ABITRAM: variants seen among roughly 807,000 people sequenced by gnomAD.
ABITRAM encodes protein Abitram.
A neutral mutation model predicts 22.9 loss-of-function variants in ABITRAM; 19 were observed. The observed-to-expected ratio is 0.83, with a 90% CI of 0.58 to 1.22. ABITRAM has a LOEUF of 1.22. ABITRAM is among the 50% of genes most tolerant of loss of function. The pLI, the probability that ABITRAM is intolerant of heterozygous loss-of-function variation, is 0.00. For synonymous variants in ABITRAM, 70 were observed against 73.9 expected, an observed-to-expected ratio of 0.95 and a Z score of 0.27; for missense variants, 215 against 220.2, an observed-to-expected ratio of 0.98 and a Z score of 0.15.
downstream of ABITRAM, chr9:108,943,122 T>C: frequency 7.7e-7 from 1 of 1,296,850 alleles, no homozygotes; most frequent in Non-Finnish European, 1.1e-6. Context: ...AGTTTTAACA[T>C]GATAAAATTT....
At chr9:108,948,144 C>T (rs936357533) in intron 3 of ABITRAM, 2 of 1,599,010 alleles carry the variant, frequency 1.3e-6, no homozygotes, top group Non-Finnish European at 1.7e-6. Context: ...CCACTTTTAG[C>T]CCGAAATTAA....
chr9:108,934,479 A>G lies in ABITRAM; in HGVS notation c.-8A>G, dbSNP rs747667175. On this transcript the variant is annotated 5_prime_UTR_variant, in exon 1 of 6. Coordinates refer to ENST00000322940, the MANE Select transcript of ABITRAM (RefSeq NM_017832.4). ...CGGAGGGCGGGGGTGGCGGCGCCGG[A>G]GGTCGCCATGGCTACCGAGCCCGAA... 3.1e-6 allele frequency: 5 copies of G among 1,596,886 alleles called. No individual in the cohort carries two copies. The highest frequency in any genetic ancestry group is 3.4e-6 in the Non-Finnish European group (4 of 1,173,266).
At chr9:108,943,750 G>C, downstream of ABITRAM, 1 of 1,613,852 alleles carries the variant, frequency 6.2e-7, no homozygotes, top group Non-Finnish European at 8.5e-7. Flanking sequence ...ACTGTCTGGA[G>C]CTGGTGGCAT....
intron 3 of ABITRAM, among the ~76,000 whole-genome samples, chr9:108,949,103 T>A (rs1324693545): frequency 6.6e-6 from 1 of 152,180 alleles, no homozygotes; most frequent in African/African-American, 2.4e-5. Context: ...TAAGAAATCA[T>A]ATAAATTATT....
At chr9:108,948,118 G>A (rs1218605864) in intron 3 of ABITRAM, 1 of 1,517,554 alleles carries the variant, frequency 6.6e-7, no homozygotes, top group East Asian at 2.3e-5. Flanking sequence ...TAAATCATCT[G>A]GAAAACATTT....
intron 3 of ABITRAM, among the ~76,000 whole-genome samples, chr9:108,938,519 A>G (rs1319591993): frequency 6.6e-6 from 1 of 152,220 alleles, no homozygotes; most frequent in Admixed American, 6.5e-5. Flanking sequence ...TAACCATGCC[A>G]TGACATTCAA....
At chr9:108,950,535 A>T in exon 4 of ABITRAM, 1 of 1,550,450 alleles carries the variant, frequency 6.4e-7, no homozygotes, top group Non-Finnish European at 8.7e-7. Flanking sequence ...AAGGTAGAAG[A>T]CGTCATCAAG....
In ABITRAM at chr9:108,946,159, C is replaced by T. The variant is rs575145956; in HGVS notation, c.262-4348C>T. On this transcript the variant is annotated intron_variant, in intron 3 of 3. Transcript: ENST00000374624. ...ACTAAAAATACAAAAATTAGCTGGG[C>T]GTGGTAGCGCACACCTGTAGTCCCA... 1.9e-3 allele frequency among the ~76,000 whole-genome samples: 286 copies of T among 152,046 alleles called. 3 individuals are homozygous for T. Among genetic ancestry groups the T allele is most frequent in the Non-Finnish European group, 1.5e-4 (10 of 68,004 alleles).
chr9:108,950,543 A>C (rs756146077), exon 4 of ABITRAM: 2 of 1,550,460 alleles, frequency 1.3e-6, no homozygotes, highest in Non-Finnish European at 1.7e-6. Flanking sequence ...AGACGTCATC[A>C]AGAGGAAAAT....
intron 3 of ABITRAM, chr9:108,948,265 CAAA>C (rs745347820): frequency 6.3e-7 from 1 of 1,592,928 alleles, no homozygotes. Context: ...AAGAAGGTAA[CAAA>C]AAGTTATTAC....
At chr9:108,950,051 G>A (rs1430009481) in intron 3 of ABITRAM, among the ~76,000 whole-genome samples, 3 of 148,982 alleles carry the variant, frequency 2.0e-5, no homozygotes, top group Non-Finnish European at 4.4e-5. Context: ...AACCAGGCAA[G>A]TCTATTGATG....
At chr9:108,937,469 C>T (rs915835790) in intron 3 of ABITRAM, among the ~76,000 whole-genome samples, 1 of 152,182 alleles carries the variant, frequency 6.6e-6, no homozygotes. Flanking sequence ...CTAAGAGTTT[C>T]TGCTAATTGC....
chr9:108,941,298 G>A (rs924815210), downstream of ABITRAM, among the ~76,000 whole-genome samples: 3 of 152,054 alleles, frequency 2.0e-5, no homozygotes, highest in Non-Finnish European at 4.4e-5. Context: ...GCTATTAGCT[G>A]AAAATATAAA....
At chr9:108,942,122 C>T (rs1830263240), downstream of ABITRAM, among the ~76,000 whole-genome samples, 1 of 152,192 alleles carries the variant, frequency 6.6e-6, no homozygotes, top group East Asian at 1.9e-4. Flanking sequence ...AGAACTAGAA[C>T]CAAAAACCCA....
chr9:108,945,806 T>C (rs1442367621), downstream of ABITRAM, among the ~76,000 whole-genome samples: 1 of 152,072 alleles, frequency 6.6e-6, no homozygotes, highest in African/African-American at 2.4e-5. Flanking sequence ...TTTCAATCCA[T>C]AGTTGGTTGA....
At chr9:108,942,131 C>T (rs1435910187), downstream of ABITRAM, among the ~76,000 whole-genome samples, 1 of 152,186 alleles carries the variant, frequency 6.6e-6, no homozygotes, top group East Asian at 1.9e-4. Context: ...ACCAAAAACC[C>T]ATCTCATACT....
chr9:108,937,211 C>A (rs1347087342), intron 3 of ABITRAM, among the ~76,000 whole-genome samples: 1 of 152,084 alleles, frequency 6.6e-6, no homozygotes, highest in Non-Finnish European at 1.5e-5. Context: ...TATATTTGCT[C>A]CTTACTGTTT....
At chr9:108,946,655 G>A (rs1830412431) in intron 3 of ABITRAM, among the ~76,000 whole-genome samples, 1 of 152,144 alleles carries the variant, frequency 6.6e-6, no homozygotes. Flanking sequence ...TCTGCCATTA[G>A]AACATAAGCT....
At chr9:108,946,291 A>G in intron 3 of ABITRAM, among the ~76,000 whole-genome samples, 1 of 141,676 alleles carries the variant, frequency 7.1e-6, no homozygotes, top group Admixed American at 7.2e-5. Context: ...GAGCGAGACT[A>G]AGTCTCAAAA....
Sources: allele counts gnomAD v4.1 joint callset (sites outside exome capture counted in the v4.1 genomes callset), GRCh38; gene constraint gnomAD v4.1.1; transcripts MANE v1.5; gene names NCBI Gene and HGNC (gene_info 2026-07-23, HGNC 2026-07-21).